The following CCDC85C variants were observed in gnomAD, a reference collection of about 807,000 sequenced individuals.
The protein encoded by CCDC85C is coiled-coil domain-containing protein 85C.
In CCDC85C, 18 loss-of-function variants were observed where a neutral mutation model predicts 38.3. That is an observed-to-expected ratio of 0.47 (90% confidence interval 0.33 to 0.70). The LOEUF (loss-of-function observed/expected upper bound fraction) is 0.70. Ranked by LOEUF, CCDC85C falls within the 30% of genes least tolerant of loss-of-function variation. The pLI is 0.03. For synonymous variants in CCDC85C, 264 were observed against 293.8 expected (o/e 0.90, Z 1.04); for missense variants, 566 against 621.2 (o/e 0.91, Z 0.94).
At chr14:99,536,387 G>A (rs1214565699) in intron 1 of CCDC85C, among the ~76,000 whole-genome samples, 4 of 152,206 alleles carry the variant, frequency 2.6e-5, no homozygotes, top group Non-Finnish European at 2.9e-5. Flanking sequence ...AGGACCTTCA[G>A]GACCTGTAGA....
chr14:99,560,991 G>A (rs548675419), intron 1 of CCDC85C, among the ~76,000 whole-genome samples: 4 of 152,218 alleles, frequency 2.6e-5, no homozygotes, highest in Non-Finnish European at 4.4e-5. Context: ...AGCCTGGGCC[G>A]GGCCACAGGA....
rs570707171 is a variant in CCDC85C, at chr14:99,508,028, G to T, written c.*7218C>A. On this transcript the variant is annotated 3_prime_UTR_variant, in exon 6 of 6. Coordinates refer to ENST00000380243, the MANE Select transcript of CCDC85C (RefSeq NM_001144995.2). The stretch of plus-strand genomic sequence containing the variant: ...TGGTCGATACTCCGGAGGCTTCCAA[G>T]CCTCTGTCAGCAGCTCCTCCAGCCT... 1 of 152,344 alleles carries T rather than the reference G, an allele frequency of 6.6e-6. No individual in the cohort carries two copies. Among genetic ancestry groups the T allele is most frequent in the South Asian group, 2.1e-4 (1 of 4,826 alleles). 9.4% of individuals were successfully genotyped at this position (152,344 alleles called of 1,614,324 possible).
At chr14:99,534,668 C>T in intron 2 of CCDC85C, 1 of 702,370 alleles carries the variant, frequency 1.4e-6, no homozygotes, top group Non-Finnish European at 2.6e-6. Flanking sequence ...CTACAGCTTC[C>T]ACACACCCTC....
chr14:99,542,262 G>A (rs1897728180), intron 1 of CCDC85C, among the ~76,000 whole-genome samples: 1 of 152,234 alleles, frequency 6.6e-6, no homozygotes, highest in Non-Finnish European at 1.5e-5. Flanking sequence ...CCCACAAAGT[G>A]CAGAAACAAG....
In CCDC85C at chr14:99,503,507, C is replaced by G. The variant is rs1277255129; in HGVS notation, c.*11739G>C. The G allele has an allele frequency of 1.4e-5, 14 of 968,228 alleles. No individual in the cohort carries two copies. Among genetic ancestry groups the G allele is most frequent in the Non-Finnish European group, 1.7e-5 (11 of 634,094 alleles). 60.0% of individuals were successfully genotyped at this position (968,228 alleles called of 1,614,324 possible). ...GAAATAATTTTTGTCCGAGGCTGTTCACAGTGACTGCCGTCGCTGATTCTG... is the reference window on the plus strand; with the variant it reads ...GAAATAATTTTTGTCCGAGGCTGTTGACAGTGACTGCCGTCGCTGATTCTG... On this transcript the variant is annotated 3_prime_UTR_variant, in exon 6 of 6. Transcript: ENST00000380243.
At chr14:99,537,358 G>C (rs1263615431) in intron 1 of CCDC85C, among the ~76,000 whole-genome samples, 1 of 152,136 alleles carries the variant, frequency 6.6e-6, no homozygotes, top group Non-Finnish European at 1.5e-5. Flanking sequence ...ATGCCTGGGG[G>C]GACAGGGGCT....
In CCDC85C at chr14:99,503,012, A is replaced by G; in HGVS notation, c.*12234T>C. The G allele has an allele frequency of 6.2e-7, 1 of 1,613,398 alleles. No homozygotes were observed. The highest frequency in any genetic ancestry group is 8.5e-7 in the Non-Finnish European group (1 of 1,179,432). ...GAGTGGGCTAAAGCAGGCCCTGGGT[A>G]GAGCAGGCTTTCCAGGTGGCGGCAA... On this transcript the variant is annotated 3_prime_UTR_variant, in exon 6 of 6. Coordinates refer to ENST00000380243, the MANE Select transcript of CCDC85C (RefSeq NM_001144995.2).
intron 2 of CCDC85C, among the ~76,000 whole-genome samples, chr14:99,525,191 C>T (rs76959163): frequency 0.88 from 133,416 of 152,114 alleles, 60,510 homozygotes; most frequent in East Asian, 1. Flanking sequence ...CTGCCCAACT[C>T]AGGGCCCAGC....
chr14:99,566,376 G>A (rs534660075), intron 1 of CCDC85C, among the ~76,000 whole-genome samples: 6 of 152,276 alleles, frequency 3.9e-5, no homozygotes, highest in South Asian at 2.1e-4. Context: ...TGTAAATTAC[G>A]TACTCACCAA....
Position 99,545,374 on chromosome 14 carries a change from CT to C in CCDC85C, c.794-9287del, listed in dbSNP as rs1333452722. ...CTCAGTTCATCTAGAATGTGCCCTA[CT>C]TTGGATCTGCCTGGGAACCACCAGT... On this transcript the variant is annotated intron_variant, in intron 1 of 5. Coordinates refer to ENST00000380243, the MANE Select transcript of CCDC85C (RefSeq NM_001144995.2). The surrounding 1 kb of genome is among the most constrained non-coding windows in gnomAD (Gnocchi z 4.7). 1.3e-5 allele frequency among the ~76,000 whole-genome samples: 2 copies of C among 152,172 alleles called. No homozygotes were observed. Among genetic ancestry groups the C allele is most frequent in the Non-Finnish European group, 2.9e-5 (2 of 68,040 alleles).
intron 1 of CCDC85C, among the ~76,000 whole-genome samples, chr14:99,537,821 A>G (rs190178113): frequency 6.6e-6 from 1 of 152,268 alleles, no homozygotes; most frequent in East Asian, 1.9e-4. Context: ...CCACCCAAGC[A>G]AAGCGGTGTG....
chr14:99,522,327 G>T lies in CCDC85C; in HGVS notation c.868-87C>A, dbSNP rs537577460. On this transcript the variant is annotated intron_variant, in intron 2 of 5. Coordinates refer to ENST00000380243, the MANE Select transcript of CCDC85C (RefSeq NM_001144995.2). ...GGGCATGGCTCCTCACGGCAGCAGG[G>T]GCTGCTCAAAGGCACGGCCCCGGAG... 4.8e-6 allele frequency: 5 copies of T among 1,041,868 alleles called. No individual in the cohort carries two copies. The East Asian group carries it at 7.9e-5, about 17-fold the overall frequency. The allele number at this position is 1,041,868 out of a possible 1,614,324, so 64.5% of individuals were successfully genotyped here.
In CCDC85C at chr14:99,558,629, A is replaced by T. The variant is rs1898055979; in HGVS notation, c.794-22541T>A. Among the ~76,000 whole-genome samples the T allele has an allele frequency of 6.6e-6, 1 of 152,232 alleles. No homozygotes were observed. The highest frequency in any genetic ancestry group is 2.4e-5 in the African/African-American group (1 of 41,458). On this transcript the variant is annotated intron_variant, in intron 1 of 5. Transcript: ENST00000380243. The surrounding 1 kb of genome is among the most constrained non-coding windows in gnomAD (Gnocchi z 4.2). ...AGCGAGACTCTGTCTCAAAAAAATTAAATAAAAATAAAAACAATTAATCCA... is the reference window on the plus strand; with the variant it reads ...AGCGAGACTCTGTCTCAAAAAAATTTAATAAAAATAAAAACAATTAATCCA...
chr14:99,604,007 C>T lies in CCDC85C; in HGVS notation c.-48G>A, dbSNP rs1343646464. On this transcript the variant is annotated 5_prime_UTR_variant, in exon 1 of 6. Transcript: ENST00000380243. ...CGCCCTCGCCCTCGCCCGGCCGGCG[C>T]TTCCCCGCGCCGGGGCTCCGCTGGG... 1.7e-6 allele frequency: 2 copies of T among 1,177,248 alleles called. No homozygotes were observed. The highest frequency in any genetic ancestry group is 9.4e-5 in the Admixed American group (2 of 21,236). 72.9% of individuals were successfully genotyped at this position (1,177,248 alleles called of 1,614,324 possible). A position where few individuals can be genotyped will look rare whatever the true frequency, so the allele number is the denominator to read the frequency against.
chr14:99,563,686 C>CCAGCCGGCAGACATAAAT (rs1301257080), intron 1 of CCDC85C, among the ~76,000 whole-genome samples: 1 of 152,234 alleles, frequency 6.6e-6, no homozygotes, highest in Non-Finnish European at 1.5e-5. Context: ...ATGGCGCTCA[C>CCAGCCGGCAGACATAAAT]CAGCCGGCAG....
chr14:99,552,272 C>T (rs1897925938), intron 1 of CCDC85C, among the ~76,000 whole-genome samples: 1 of 152,230 alleles, frequency 6.6e-6, no homozygotes, highest in Non-Finnish European at 1.5e-5. Flanking sequence ...TGCTGCAATC[C>T]TGCCCTACGG....
intron 1 of CCDC85C, among the ~76,000 whole-genome samples, chr14:99,581,812 C>T (rs1391993685): frequency 2.6e-5 from 4 of 152,206 alleles, no homozygotes; most frequent in Non-Finnish European, 5.9e-5. Context: ...GTGCCATCTT[C>T]GGGCTGCGTG....
chr14:99,602,853 G>A (rs2055216757), intron 1 of CCDC85C, among the ~76,000 whole-genome samples: 1 of 152,206 alleles, frequency 6.6e-6, no homozygotes, highest in African/African-American at 2.4e-5. Context: ...CTGGGATGAG[G>A]CGCCCACCGC....
chr14:99,523,597 G>T (rs542359079), intron 2 of CCDC85C, among the ~76,000 whole-genome samples: 3 of 152,204 alleles, frequency 2.0e-5, no homozygotes, highest in Non-Finnish European at 4.4e-5. Context: ...ACCAGACGCC[G>T]GTCAGCCAGG....
Sources: allele counts gnomAD v4.1 joint callset (sites outside exome capture counted in the v4.1 genomes callset), GRCh38; gene constraint gnomAD v4.1.1; non-coding constraint Gnocchi (gnomAD v3.1); transcripts MANE v1.5; gene names NCBI Gene and HGNC (gene_info 2026-07-23, HGNC 2026-07-21).